RYR3: variants seen among roughly 807,000 people sequenced by gnomAD.
The protein encoded by RYR3 is ryanodine receptor 3, also known as brain ryanodine receptor-calcium release channel.
In RYR3, 207 loss-of-function variants were observed where a neutral mutation model predicts 584.3. That is an observed-to-expected ratio of 0.35 (90% CI 0.32 to 0.40). RYR3 has a LOEUF of 0.40. Among genes scored for constraint, RYR3 ranks in the 10% least tolerant of loss-of-function variants. The pLI is 1.00. For missense variants in RYR3, 5,616 were observed against 6,089.2 expected, an observed-to-expected ratio of 0.92 and a Z score of 2.59; for synonymous variants, 2,416 against 2,248.5, an observed-to-expected ratio of 1.07 and a Z score of -2.11.
intron 38 of RYR3, among the ~76,000 whole-genome samples, chr15:33,680,802 G>A (rs996580271): frequency 6.6e-6 from 1 of 152,222 alleles, no homozygotes; most frequent in Non-Finnish European, 1.5e-5. Context: ...CGGGTGCTAT[G>A]TATGTGGTCA....
intron 1 of RYR3, among the ~76,000 whole-genome samples, chr15:33,314,949 A>ACAAC (rs145995041): frequency 8.6e-5 from 13 of 151,572 alleles, no homozygotes; most frequent in Non-Finnish European, 1.9e-4. Context: ...AACCAAAAAA[A>ACAAC]AACAACAACA....
intron 45 of RYR3, among the ~76,000 whole-genome samples, chr15:33,726,171 C>T (rs891345): frequency 0.16 from 23,621 of 151,896 alleles, 2,144 homozygotes; most frequent in East Asian, 0.32. Context: ...AATCAAGCAA[C>T]GTCTTTAGTC....
At chr15:33,438,643 T>A (rs959953540) in intron 1 of RYR3, among the ~76,000 whole-genome samples, 12 of 152,346 alleles carry the variant, frequency 7.9e-5, no homozygotes, top group South Asian at 2.1e-4. Context: ...CACCACATTG[T>A]ATTGAATTTA....
chr15:33,703,661 G>A (rs555745845), intron 42 of RYR3, among the ~76,000 whole-genome samples: 17 of 152,150 alleles, frequency 1.1e-4, no homozygotes, highest in East Asian at 1.9e-4. Context: ...TGAAATTTGC[G>A]GGAGACAATT....
chr15:33,683,801 G>C (rs935652022), intron 38 of RYR3, among the ~76,000 whole-genome samples: 1 of 152,258 alleles, frequency 6.6e-6, no homozygotes, highest in Non-Finnish European at 1.5e-5. Flanking sequence ...CTTTTCCCAA[G>C]GTCTTAGCAA....
intron 4 of RYR3, among the ~76,000 whole-genome samples, chr15:33,531,606 C>T (rs774209297): frequency 9.9e-5 from 15 of 151,460 alleles, no homozygotes; most frequent in Non-Finnish European, 1.5e-4. Flanking sequence ...GCAACAGCTG[C>T]CTGTTAAATA....
intron 57 of RYR3, among the ~76,000 whole-genome samples, chr15:33,751,944 G>A (rs761621285): frequency 7.0e-4 from 106 of 152,110 alleles, no homozygotes; most frequent in Admixed American, 1.7e-3. Context: ...AGCTTTCTGC[G>A]TAGGGCTAGC....
chr15:33,860,932 G>A (rs1219024747), intron 101 of RYR3, 146 bp from the exon 102 acceptor site: 2 of 581,010 alleles, frequency 3.4e-6, no homozygotes, highest in Admixed American at 2.5e-5. Context: ...AATAGCCAAT[G>A]TATGGCACTA....
chr15:33,707,852 A>G (rs1470910709), intron 43 of RYR3, among the ~76,000 whole-genome samples: 1 of 152,196 alleles, frequency 6.6e-6, no homozygotes, highest in Admixed American at 6.5e-5. Flanking sequence ...ATGTTGATAT[A>G]ATGTGATCAT....
chr15:33,571,606 C>T (rs2058030910), intron 12 of RYR3, among the ~76,000 whole-genome samples: 1 of 152,052 alleles, frequency 6.6e-6, no homozygotes, highest in South Asian at 2.1e-4. Context: ...AGAGCCATTC[C>T]AGGTGTCTTG....
chr15:33,384,140 C>T (rs905917905), intron 1 of RYR3, among the ~76,000 whole-genome samples: 12 of 152,128 alleles, frequency 7.9e-5, no homozygotes, highest in African/African-American at 2.9e-4. Context: ...AGCTAGGTCT[C>T]CCTTTGAGAA....
chr15:33,590,635 A>G (rs1199866921), intron 16 of RYR3, among the ~76,000 whole-genome samples: 2 of 89,656 alleles, frequency 2.2e-5, no homozygotes, highest in Admixed American at 1.1e-4. Flanking sequence ...AAATATTTTC[A>G]TAGGGTTTTT....
At chr15:33,518,144 C>G (rs2053675536) in intron 3 of RYR3, among the ~76,000 whole-genome samples, 1 of 152,172 alleles carries the variant, frequency 6.6e-6, no homozygotes, top group African/African-American at 2.4e-5. Flanking sequence ...TCTGGCACTT[C>G]CTCTCACTGT....
chr15:33,774,837 A>C (rs1005879443), intron 64 of RYR3, among the ~76,000 whole-genome samples: 1 of 152,236 alleles, frequency 6.6e-6, no homozygotes, highest in African/African-American at 2.4e-5. Flanking sequence ...CAGAAAAATC[A>C]ACCAAAAATT....
Position 33,628,415 on chromosome 15 carries a change from A to G in RYR3, c.2575-56A>G, listed in dbSNP as rs149029359. 12,675 of 1,311,894 alleles carry G rather than the reference A, an allele frequency of 9.7e-3. 96 individuals carry two copies. The highest frequency in any genetic ancestry group is 0.012 in the Non-Finnish European group (10,867 of 910,166). 81.3% of individuals were successfully genotyped at this position (1,311,894 alleles called of 1,614,324 possible). A position where few individuals can be genotyped will look rare whatever the true frequency, so the allele number is the denominator to read the frequency against. ...CAAGTGGGGTGCCCAGCTCCTATAG[A>G]TTTTATGATAGGTTTCAAAACAATC... On this transcript the variant is annotated intron_variant, in intron 20 of 103. Coordinates refer to ENST00000634891, the MANE Select transcript of RYR3 (RefSeq NM_001036.6).
intron 43 of RYR3, among the ~76,000 whole-genome samples, chr15:33,708,291 ATTGT>A (rs936212353): frequency 2.6e-5 from 4 of 152,194 alleles, no homozygotes; most frequent in African/African-American, 4.8e-5. Context: ...ATGTAAATAG[ATTGT>A]TTGCAGACAA....
chr15:33,500,885 C>G (rs1236916296), intron 2 of RYR3, among the ~76,000 whole-genome samples: 2 of 152,176 alleles, frequency 1.3e-5, no homozygotes, highest in South Asian at 2.1e-4. Context: ...GCTCTGTGCT[C>G]CATTCATGTC....
At chr15:33,653,068 A>G (rs947192003) in intron 32 of RYR3, among the ~76,000 whole-genome samples, 185 bp downstream of exon 32, 3 of 152,242 alleles carry the variant, frequency 2.0e-5, no homozygotes, top group Non-Finnish European at 4.4e-5. Context: ...GCAGAGAAAA[A>G]AAGGCTGGGC....
At chr15:33,592,484 CT>C (rs2059178206) in intron 16 of RYR3, among the ~76,000 whole-genome samples, 1 of 152,204 alleles carries the variant, frequency 6.6e-6, no homozygotes, top group Non-Finnish European at 1.5e-5. Flanking sequence ...TGTTGGATAT[CT>C]GTATCCAGTG....
Sources: allele counts gnomAD v4.1 joint callset (sites outside exome capture counted in the v4.1 genomes callset), GRCh38; gene constraint gnomAD v4.1.1; transcripts MANE v1.5; gene names NCBI Gene and HGNC (gene_info 2026-07-23, HGNC 2026-07-21).